The following DCUN1D2 variants were observed in gnomAD, a reference collection of about 807,000 sequenced individuals.
DCUN1D2 encodes defective in cullin neddylation 1 domain containing 2.
A neutral mutation model predicts 30.9 loss-of-function variants in DCUN1D2; 29 were observed. That is an observed-to-expected ratio of 0.94 (90% CI 0.70 to 1.28). The LOEUF (loss-of-function observed/expected upper bound fraction) is 1.28. Ranked by LOEUF, DCUN1D2 falls within the 50% of genes most tolerant of loss-of-function variation. The pLI, the probability that DCUN1D2 is intolerant of heterozygous loss-of-function variation, is 0.00. For synonymous variants in DCUN1D2, 121 were observed against 115.3 expected, an observed-to-expected ratio of 1.05 and a Z score of -0.32; for missense variants, 325 against 316.9, an observed-to-expected ratio of 1.03 and a Z score of -0.19.
upstream of DCUN1D2, chr13:113,490,967 G>T: frequency 5.2e-6 from 1 of 192,054 alleles, no homozygotes; most frequent in Non-Finnish European, 1.1e-5. This position sits in a 1 kb window ranked among gnomAD's most constrained non-coding sequence, Gnocchi z 5.2. Context: ...GCCCGCGGCC[G>T]ACGGGACCCG....
intron 2 of DCUN1D2, among the ~76,000 whole-genome samples, chr13:113,483,630 T>G (rs1425785967): frequency 2.6e-5 from 4 of 152,156 alleles, no homozygotes; most frequent in African/African-American, 9.7e-5. Flanking sequence ...ACTCCACTCT[T>G]CTCGCCCTCC....
intron 4 of DCUN1D2, among the ~76,000 whole-genome samples, chr13:113,463,777 GAC>G (rs967021829): frequency 1.4e-5 from 2 of 146,354 alleles, no homozygotes; most frequent in African/African-American, 5.2e-5. Flanking sequence ...GACACACACA[GAC>G]ACACACAGAG....
intron 2 of DCUN1D2, among the ~76,000 whole-genome samples, chr13:113,481,376 C>T (rs1307440988): frequency 6.6e-6 from 1 of 152,132 alleles, no homozygotes; most frequent in East Asian, 1.9e-4. Flanking sequence ...TTTAAGGCAT[C>T]CCAGCAAGAC....
upstream of DCUN1D2, chr13:113,490,858 C>T (rs974612630): frequency 2.9e-6 from 1 of 348,254 alleles, no homozygotes; most frequent in East Asian, 7.3e-5. The surrounding 1 kb of genome is among the most constrained non-coding windows in gnomAD (Gnocchi z 5.2). Flanking sequence ...CCCACAGCCC[C>T]TGCGCGTCCA....
At chr13:113,460,902 G>A (rs1410902183) in intron 5 of DCUN1D2, 152 bp downstream of exon 5, 2 of 550,550 alleles carry the variant, frequency 3.6e-6, no homozygotes, top group African/African-American at 2.0e-5. Context: ...GAGCCAAGTG[G>A]CAACCTGTCT....
Position 113,456,188 on chromosome 13 carries a change from TTTCCCATTAGAG to T in DCUN1D2, c.*1829_*1840del. On this transcript the variant is annotated 3_prime_UTR_variant, in exon 7 of 7. Transcript: ENST00000478244. ...GACTTCTAAAGGTAGACAGGCCCAG[TTTCCCATTAGAG>T]TTCTGGAAGCAGAGCCTGGGGAAGG... 2.5e-6 allele frequency: 1 copy of T among 398,598 alleles called. No homozygotes were observed. Among genetic ancestry groups the T allele is most frequent in the East Asian group, 3.6e-5 (1 of 28,068 alleles). 24.7% of individuals were successfully genotyped at this position (398,598 alleles called of 1,614,324 possible).
At chr13:113,466,429 TACAA>T (rs948917793) in intron 4 of DCUN1D2, among the ~76,000 whole-genome samples, 1 of 152,240 alleles carries the variant, frequency 6.6e-6, no homozygotes, top group African/African-American at 2.4e-5. Context: ...AGAGTTATTT[TACAA>T]ACAGAGTCAT....
In DCUN1D2 at chr13:113,480,747, T is replaced by C; in HGVS notation, c.221-4A>G. The C allele has an allele frequency of 3.7e-6, 6 of 1,613,426 alleles. No homozygotes were observed. Among genetic ancestry groups the C allele is most frequent in the Non-Finnish European group, 5.1e-6 (6 of 1,179,838 alleles). ...ATTTTGTTTTCATCTTGTGGATCTGTAGTTAATATCAGGGGAAAAGGAAGT... is the reference window on the plus strand; with the variant it reads ...ATTTTGTTTTCATCTTGTGGATCTGCAGTTAATATCAGGGGAAAAGGAAGT... On this transcript the variant is annotated splice_region_variant and splice_polypyrimidine_tract_variant and intron_variant, in intron 2 of 6. Transcript: ENST00000478244.
At chr13:113,461,764 G>C (rs566273119) in intron 4 of DCUN1D2, among the ~76,000 whole-genome samples, 1 of 152,200 alleles carries the variant, frequency 6.6e-6, no homozygotes, top group Admixed American at 6.5e-5. Flanking sequence ...GGAAGGTGGT[G>C]ATTATTTCAC....
chr13:113,481,364 T>C (rs1419200833), intron 2 of DCUN1D2, among the ~76,000 whole-genome samples: 3 of 152,172 alleles, frequency 2.0e-5, no homozygotes, highest in Non-Finnish European at 4.4e-5. Context: ...CAGTAAAATA[T>C]ATTTAAGGCA....
chr13:113,470,083 A>C (rs1162014226), intron 4 of DCUN1D2, among the ~76,000 whole-genome samples: 1 of 152,250 alleles, frequency 6.6e-6, no homozygotes, highest in Non-Finnish European at 1.5e-5. Context: ...TCAGCCAATG[A>C]TAGTCCGCGT....
Position 113,480,757 on chromosome 13 carries a change from CA to C in DCUN1D2, c.221-15del. On this transcript the variant is annotated splice_polypyrimidine_tract_variant and intron_variant, in intron 2 of 6. Transcript: ENST00000478244. ...CATCTTGTGGATCTGTAGTTAATAT[CA>C]GGGGAAAAGGAAGTTATACTATTTT... The C allele has an allele frequency of 6.2e-7, 1 of 1,612,430 alleles. No individual in the cohort carries two copies. The highest frequency in any genetic ancestry group is 8.5e-7 in the Non-Finnish European group (1 of 1,179,626).
chr13:113,474,385 C>G, intron 3 of DCUN1D2, 131 bp from the exon 4 acceptor site: 1 of 1,269,310 alleles, frequency 7.9e-7, no homozygotes, highest in Non-Finnish European at 1.1e-6. Context: ...CTTCCTTTCC[C>G]AGGCGCGGCC....
chr13:113,489,161 G>C, intron 1 of DCUN1D2: 3 of 985,206 alleles, frequency 3.0e-6, no homozygotes, highest in Non-Finnish European at 3.6e-6. Flanking sequence ...ACTCTGTTTC[G>C]GTATACAGCA....
chr13:113,465,019 A>G (rs1462433099), intron 4 of DCUN1D2, among the ~76,000 whole-genome samples: 3 of 152,224 alleles, frequency 2.0e-5, no homozygotes, highest in African/African-American at 7.2e-5. Context: ...TAAAGATAAT[A>G]CCTACATATG....
chr13:113,490,464 C>G lies in DCUN1D2; in HGVS notation c.3+203G>C. The G allele has an allele frequency of 2.0e-6, 1 of 491,220 alleles. No homozygotes were observed. Among genetic ancestry groups the G allele is most frequent in the South Asian group, 3.6e-5 (1 of 27,444 alleles). The allele number at this position is 491,220 out of a possible 1,614,324, so 30.4% of individuals were successfully genotyped here. ...TCGTCCCTCGCGGCTCCGGGTCAAACCCGCGCTCCCCGCGGTCCCGCGCCT... is the reference window on the plus strand; with the variant it reads ...TCGTCCCTCGCGGCTCCGGGTCAAAGCCGCGCTCCCCGCGGTCCCGCGCCT... On this transcript the variant is annotated intron_variant, in intron 1 of 6. Coordinates refer to ENST00000478244, the MANE Select transcript of DCUN1D2 (RefSeq NM_001014283.2). The surrounding 1 kb of genome is among the most constrained non-coding windows in gnomAD (Gnocchi z 5.2).
chr13:113,459,473 C>T (rs2044283465), intron 5 of DCUN1D2, 65 bp from the exon 6 acceptor site: 4 of 749,372 alleles, frequency 5.3e-6, no homozygotes, highest in Non-Finnish European at 9.4e-6. Flanking sequence ...CTCATATATT[C>T]TAGTGGCCTA....
At chr13:113,475,863 C>T (rs1019475854) in intron 3 of DCUN1D2, 1 of 152,326 alleles carries the variant, frequency 6.6e-6, no homozygotes, top group African/African-American at 2.4e-5. Flanking sequence ...ATTTCAGCCT[C>T]CTCTTCCCTC....
chr13:113,466,875 C>T lies in DCUN1D2; in HGVS notation c.521-5739G>A, dbSNP rs914580872. Among the ~76,000 whole-genome samples, 4 of 147,026 alleles carry T rather than the reference C, an allele frequency of 2.7e-5. No homozygotes were observed. The East Asian group carries it at 6.0e-4, about 22-fold the overall frequency. On this transcript the variant is annotated intron_variant, in intron 4 of 6. Transcript: ENST00000478244. ...AGGCTGGAGTGCAGTGGCACGATCTCGGCTCACTGCAAGCTCCACCTCCTG... is the reference window on the plus strand; with the variant it reads ...AGGCTGGAGTGCAGTGGCACGATCTTGGCTCACTGCAAGCTCCACCTCCTG...
Sources: allele counts gnomAD v4.1 joint callset (sites outside exome capture counted in the v4.1 genomes callset), GRCh38; gene constraint gnomAD v4.1.1; non-coding constraint Gnocchi (gnomAD v3.1); transcripts MANE v1.5; gene names NCBI Gene and HGNC (gene_info 2026-07-23, HGNC 2026-07-21).